The following SLC9A9 variants were observed in gnomAD, a reference collection of about 807,000 sequenced individuals.
The protein encoded by SLC9A9 is sodium/hydrogen exchanger 9.
A neutral mutation model predicts 77.8 loss-of-function variants in SLC9A9; 62 were observed. The observed-to-expected ratio is 0.80, with a 90% CI of 0.65 to 0.98. The LOEUF is 0.98. Among genes scored for constraint, SLC9A9 ranks in the 50% least tolerant of loss-of-function variants. The pLI, the probability that SLC9A9 is intolerant of heterozygous loss-of-function variation, is 0.00. For synonymous variants in SLC9A9, 320 were observed against 283.5 expected, an observed-to-expected ratio of 1.13 and a Z score of -1.29; for missense variants, 775 against 774.9, an observed-to-expected ratio of 1.00 and a Z score of 0.00.
chr3:143,683,157 T>A (rs9831286), intron 5 of SLC9A9, among the ~76,000 whole-genome samples: 130,189 of 152,090 alleles, frequency 0.86, 56,451 homozygotes, highest in South Asian at 0.94. Context: ...TGGCGATAAG[T>A]TCTGTACATT....
chr3:143,515,142 A>T (rs541322719), intron 9 of SLC9A9, among the ~76,000 whole-genome samples: 5 of 152,334 alleles, frequency 3.3e-5, no homozygotes, highest in Non-Finnish European at 7.3e-5. Context: ...AGCAAGAGAG[A>T]TGGGGGAATG....
chr3:143,606,261 C>T lies in SLC9A9; in HGVS notation c.756-27538G>A, dbSNP rs554421334. ...CTCTACTAAAAATACAAAAATTAGCCAGGCATGGTGGCAGGCGCCTATAAC... is the reference window on the plus strand; with the variant it reads ...CTCTACTAAAAATACAAAAATTAGCTAGGCATGGTGGCAGGCGCCTATAAC... On this transcript the variant is annotated intron_variant, in intron 6 of 15. Coordinates refer to ENST00000316549, the MANE Select transcript of SLC9A9 (RefSeq NM_173653.4). Among the ~76,000 whole-genome samples, 5 of 151,656 alleles carry T rather than the reference C, an allele frequency of 3.3e-5. No individual in the cohort carries two copies. The East Asian group carries it at 9.7e-4, about 29-fold the overall frequency.
At chr3:143,555,809 G>T (rs1189059452) in intron 8 of SLC9A9, among the ~76,000 whole-genome samples, 1 of 152,192 alleles carries the variant, frequency 6.6e-6, no homozygotes, top group African/African-American at 2.4e-5. Context: ...AGGCTATGTT[G>T]TTGCTAAATA....
At chr3:143,740,976 A>G (rs1312631516) in intron 4 of SLC9A9, among the ~76,000 whole-genome samples, 1 of 152,236 alleles carries the variant, frequency 6.6e-6, no homozygotes, top group Non-Finnish European at 1.5e-5. Flanking sequence ...AGATTAGATT[A>G]GAGTTGGAGA....
intron 12 of SLC9A9, among the ~76,000 whole-genome samples, chr3:143,419,042 A>G (rs1243554053): frequency 6.6e-6 from 1 of 152,120 alleles, no homozygotes; most frequent in East Asian, 1.9e-4. Context: ...TTGATACTAC[A>G]TGTGTAAATT....
At chr3:143,566,019 C>T (rs1415343456) in intron 8 of SLC9A9, among the ~76,000 whole-genome samples, 1 of 152,080 alleles carries the variant, frequency 6.6e-6, no homozygotes, top group Non-Finnish European at 1.5e-5. Context: ...TAAAAGCCTT[C>T]TTAAGAGTTT....
chr3:143,384,807 G>A (rs1023555710), intron 12 of SLC9A9, among the ~76,000 whole-genome samples: 1 of 137,904 alleles, frequency 7.3e-6, no homozygotes. Context: ...TCCCTCCTGG[G>A]GAAGCCAGGG....
At chr3:143,517,707 T>C (rs1221133437) in intron 9 of SLC9A9, 2 of 1,597,752 alleles carry the variant, frequency 1.3e-6, no homozygotes, top group Non-Finnish European at 1.7e-6. Flanking sequence ...TTTATTTCAA[T>C]GGCTCTGTCA....
At chr3:143,697,846 T>G (rs1209613305) in intron 4 of SLC9A9, among the ~76,000 whole-genome samples, 1 of 152,160 alleles carries the variant, frequency 6.6e-6, no homozygotes, top group Non-Finnish European at 1.5e-5. Context: ...AAAAGCCCAG[T>G]TCAGTTCAAG....
chr3:143,828,252 CA>C (rs1223928707), intron 2 of SLC9A9, among the ~76,000 whole-genome samples: 6 of 152,134 alleles, frequency 3.9e-5, no homozygotes, highest in African/African-American at 1.4e-4. Flanking sequence ...CTACCAACTC[CA>C]AGAATGATAA....
intron 6 of SLC9A9, among the ~76,000 whole-genome samples, chr3:143,628,242 A>G (rs1039167096): frequency 2.0e-5 from 3 of 152,198 alleles, no homozygotes; most frequent in African/African-American, 4.8e-5. Flanking sequence ...CGATGGGGTT[A>G]CATCCCAATA....
chr3:143,706,519 T>C (rs146282136), intron 4 of SLC9A9, among the ~76,000 whole-genome samples: 1 of 152,334 alleles, frequency 6.6e-6, no homozygotes, highest in East Asian at 1.9e-4. Context: ...GTCAATTTGA[T>C]GGCTTATGGC....
chr3:143,646,993 T>C (rs1277024195), intron 6 of SLC9A9, among the ~76,000 whole-genome samples: 1 of 152,330 alleles, frequency 6.6e-6, no homozygotes, highest in East Asian at 1.9e-4. Flanking sequence ...CTTCTTTTGT[T>C]TATTAACTAT....
chr3:143,569,813 T>C (rs1252650243), intron 8 of SLC9A9, among the ~76,000 whole-genome samples: 1 of 147,004 alleles, frequency 6.8e-6, no homozygotes, highest in African/African-American at 2.5e-5. Flanking sequence ...ATTGTTTTTT[T>C]CTTTTTTTTT....
At chr3:143,327,788 A>C (rs2031648060) in intron 14 of SLC9A9, among the ~76,000 whole-genome samples, 1 of 152,222 alleles carries the variant, frequency 6.6e-6, no homozygotes, top group Non-Finnish European at 1.5e-5. Context: ...ACTGTTCAGC[A>C]ATGTGGTACT....
chr3:143,284,831 TC>T (rs1313186281), intron 14 of SLC9A9, among the ~76,000 whole-genome samples: 2 of 152,130 alleles, frequency 1.3e-5, no homozygotes, highest in Admixed American at 6.5e-5. Flanking sequence ...TTCAGGGGCT[TC>T]CCCTACCCCA....
At chr3:143,324,965 A>G (rs1040589630) in intron 14 of SLC9A9, among the ~76,000 whole-genome samples, 1 of 152,182 alleles carries the variant, frequency 6.6e-6, no homozygotes, top group African/African-American at 2.4e-5. Flanking sequence ...TTCCCTGAAC[A>G]AACATTTTCC....
intron 2 of SLC9A9, among the ~76,000 whole-genome samples, chr3:143,817,784 A>G (rs1261126829): frequency 1.1e-5 from 1 of 89,524 alleles, no homozygotes; most frequent in Non-Finnish European, 2.6e-5. Flanking sequence ...CATTTACTCT[A>G]ACAAATATTT....
intron 6 of SLC9A9, among the ~76,000 whole-genome samples, chr3:143,643,038 C>T (rs1206135734): frequency 1.3e-5 from 2 of 152,074 alleles, no homozygotes; most frequent in Admixed American, 1.3e-4. Flanking sequence ...TTGCTTATCT[C>T]CTTTCTTTCC....
Sources: gnomAD v4.1 joint callset for allele counts (sites outside exome capture counted in the v4.1 genomes callset) on GRCh38, gnomAD v4.1.1 for gene constraint, MANE v1.5 for transcripts, NCBI Gene and HGNC (gene_info 2026-07-23, HGNC 2026-07-21) for gene names.